The following DCC variants were observed in gnomAD, a reference collection of about 807,000 sequenced individuals.
DCC encodes the protein netrin receptor DCC.
In DCC, 58 loss-of-function variants were observed where a neutral mutation model predicts 172.5. The observed-to-expected ratio is 0.34, with a 90% CI of 0.27 to 0.42. The LOEUF is 0.42. Among genes scored for constraint, DCC ranks in the 10% least tolerant of loss-of-function variants. The pLI, the probability that DCC is intolerant of heterozygous loss-of-function variation, is 1.00. For synonymous variants in DCC, 709 were observed against 644.5 expected (o/e 1.10, Z -1.52); for missense variants, 1,740 against 1,791.0 (o/e 0.97, Z 0.51).
chr18:53,221,924 A>C (rs1170549751), intron 12 of DCC, among the ~76,000 whole-genome samples: 1 of 152,208 alleles, frequency 6.6e-6, no homozygotes. Flanking sequence ...ATCTGCTGAA[A>C]AAGCCAACTG....
intron 1 of DCC, among the ~76,000 whole-genome samples, chr18:52,729,114 C>T (rs2036597204): frequency 6.6e-6 from 1 of 152,114 alleles, no homozygotes; most frequent in Admixed American, 6.5e-5. Context: ...GAAAAGTAAG[C>T]TTTACTGAAA....
intron 13 of DCC, among the ~76,000 whole-genome samples, chr18:53,318,662 C>T (rs908159339): frequency 2.6e-5 from 4 of 151,826 alleles, no homozygotes; most frequent in Non-Finnish European, 4.4e-5. Context: ...AATCTGGGTG[C>T]TCCTGTATTG....
intron 5 of DCC, among the ~76,000 whole-genome samples, chr18:53,030,311 C>A (rs1257480048): frequency 6.6e-6 from 1 of 152,048 alleles, no homozygotes; most frequent in Non-Finnish European, 1.5e-5. Flanking sequence ...CATTTTCTAA[C>A]CATAATTATA....
intron 8 of DCC, among the ~76,000 whole-genome samples, chr18:53,163,729 T>C (rs534688070): frequency 7.9e-5 from 12 of 152,306 alleles, no homozygotes; most frequent in African/African-American, 2.9e-4. Flanking sequence ...AGTGAAGTAA[T>C]TGCCTCATAG....
At chr18:53,088,945 T>C (rs2042962165) in intron 7 of DCC, among the ~76,000 whole-genome samples, 1 of 152,234 alleles carries the variant, frequency 6.6e-6, no homozygotes, top group African/African-American at 2.4e-5. Flanking sequence ...CTTGATAATA[T>C]GAATATGCTC....
intron 12 of DCC, among the ~76,000 whole-genome samples, chr18:53,262,775 C>G (rs2056621524): frequency 6.6e-6 from 1 of 152,104 alleles, no homozygotes; most frequent in Admixed American, 6.5e-5. Flanking sequence ...TTGAAAATGG[C>G]AAATAATCAC....
chr18:53,379,331 A>G (rs1027849755), intron 15 of DCC, among the ~76,000 whole-genome samples: 3 of 152,282 alleles, frequency 2.0e-5, no homozygotes, highest in African/African-American at 4.8e-5. Flanking sequence ...AGTGAAGTAT[A>G]TAATCTGTAA....
chr18:53,098,758 T>G lies in DCC; in HGVS notation c.1261+32592T>G, dbSNP rs111910189. ...AACAGTGCTCACACATGTAATCCAA[T>G]CACTTTGGGAGGCTATGGCATGAGA... On this transcript the variant is annotated intron_variant, in intron 7 of 28. Coordinates refer to ENST00000442544, the MANE Select transcript of DCC (RefSeq NM_005215.4). Among the ~76,000 whole-genome samples the G allele has an allele frequency of 9.4e-3, 1,431 of 152,228 alleles. 29 individuals are homozygous for G. Among genetic ancestry groups the G allele is most frequent in the African/African-American group, 0.032 (1,331 of 41,536 alleles).
At chr18:52,752,015 G>A (rs1249906987) in intron 1 of DCC, 39 bp from the exon 2 acceptor site, 1 of 1,548,478 alleles carries the variant, frequency 6.5e-7, no homozygotes, top group African/African-American at 1.4e-5. Flanking sequence ...AGATTTATTT[G>A]AATACATGAA....
At chr18:53,026,973 TTCTC>T (rs779058456) in intron 5 of DCC, among the ~76,000 whole-genome samples, 12 of 152,176 alleles carry the variant, frequency 7.9e-5, no homozygotes, top group South Asian at 2.1e-4. Flanking sequence ...TGTCTCATCT[TTCTC>T]AGTCATCACA....
At chr18:53,283,585 T>G (rs892726027) in intron 12 of DCC, among the ~76,000 whole-genome samples, 1 of 152,216 alleles carries the variant, frequency 6.6e-6, no homozygotes, top group Non-Finnish European at 1.5e-5. Flanking sequence ...CTTTATTTTA[T>G]GCTTATTCCA....
At chr18:52,765,023 C>CT (rs963400763) in intron 2 of DCC, among the ~76,000 whole-genome samples, 4 of 142,442 alleles carry the variant, frequency 2.8e-5, no homozygotes, top group Middle Eastern at 3.4e-3. Context: ...ATTTTCTTTT[C>CT]TTTTTTTTCT....
At chr18:53,501,582 T>TATAGTAAA (rs2046099397) in intron 27 of DCC, among the ~76,000 whole-genome samples, 3 of 151,240 alleles carry the variant, frequency 2.0e-5, no homozygotes, top group Admixed American at 1.3e-4. Context: ...TTAACTATTC[T>TATAGTAAA]ATAGTAAAGA....
Position 53,513,051 on chromosome 18 carries a change from A to C in DCC, c.4111+13541A>C, listed in dbSNP as rs533799900. Reference sequence around the variant, plus strand: ...GAAATGAAGGAAAAAATGTTAAGGGAAGCCAGAGAGAAAGGTCGGGTTACC... The same window carrying C: ...GAAATGAAGGAAAAAATGTTAAGGGCAGCCAGAGAGAAAGGTCGGGTTACC... On this transcript the variant is annotated intron_variant, in intron 27 of 28. Coordinates refer to ENST00000442544, the MANE Select transcript of DCC (RefSeq NM_005215.4). Among the ~76,000 whole-genome samples, 316 of 152,248 alleles carry C rather than the reference A, an allele frequency of 2.1e-3. 3 individuals carry two copies. Among genetic ancestry groups the C allele is most frequent in the African/African-American group, 4.5e-3 (185 of 41,536 alleles).
chr18:53,189,185 G>T (rs1231037862), intron 9 of DCC, among the ~76,000 whole-genome samples: 1 of 152,034 alleles, frequency 6.6e-6, no homozygotes, highest in Non-Finnish European at 1.5e-5. Flanking sequence ...ATATATGTGT[G>T]TGTGTATATA....
intron 7 of DCC, among the ~76,000 whole-genome samples, chr18:53,139,074 T>A (rs372262020): frequency 2.0e-5 from 3 of 152,200 alleles, no homozygotes; most frequent in East Asian, 1.9e-4. Context: ...ATCCAATGTC[T>A]CTCATAATGC....
At chr18:52,638,039 A>C (rs1320457136) in intron 1 of DCC, among the ~76,000 whole-genome samples, 1 of 152,226 alleles carries the variant, frequency 6.6e-6, no homozygotes, top group African/African-American at 2.4e-5. Context: ...AACAATTATC[A>C]GGCAAACATT....
intron 7 of DCC, among the ~76,000 whole-genome samples, chr18:53,144,473 G>A (rs1334545716): frequency 6.6e-6 from 1 of 152,108 alleles, no homozygotes; most frequent in African/African-American, 2.4e-5. Context: ...GCAGGCAAGA[G>A]AGAGCTTGTG....
chr18:53,243,117 G>T (rs936356283), intron 12 of DCC, among the ~76,000 whole-genome samples: 3 of 152,170 alleles, frequency 2.0e-5, no homozygotes, highest in Non-Finnish European at 2.9e-5. Flanking sequence ...AGAATGATGA[G>T]AAAACAGTCC....
Sources: gnomAD v4.1 joint callset for allele counts (sites outside exome capture counted in the v4.1 genomes callset) on GRCh38, gnomAD v4.1.1 for gene constraint, MANE v1.5 for transcripts, NCBI Gene and HGNC (gene_info 2026-07-23, HGNC 2026-07-21) for gene names.